Variants in CFAP70 observed in about 807,000 individuals in gnomAD.
CFAP70 encodes the protein cilia- and flagella-associated protein 70.
Under a neutral mutation model 137.6 loss-of-function variants are expected in CFAP70, and 81 were observed. The ratio of observed to expected loss-of-function variants is 0.59; its 90% CI spans 0.49 to 0.71. The LOEUF is 0.71. CFAP70 is among the 30% of genes least tolerant of loss of function. CFAP70 has a pLI of 0.00. For synonymous variants in CFAP70, 382 were observed against 423.6 expected (o/e 0.90, Z 1.20); for missense variants, 976 against 1,226.7 (o/e 0.80, Z 3.05).
chr10:73,310,125 T>C (rs940596877), intron 12 of CFAP70, 33 bp downstream of exon 13: 1 of 1,448,754 alleles, frequency 6.9e-7, no homozygotes. Flanking sequence ...ACCCAAATTG[T>C]ACAAAACTAG....
In CFAP70 at chr10:73,273,035, CACT is replaced by C; in HGVS notation, c.2836-21_2836-19del. 2 of 1,529,896 alleles carry C rather than the reference CACT, an allele frequency of 1.3e-6. No individual in the cohort carries two copies. Among genetic ancestry groups the C allele is most frequent in the South Asian group, 1.2e-5 (1 of 83,564 alleles). 94.8% of individuals were successfully genotyped at this position (1,529,896 alleles called of 1,614,324 possible). On this transcript the variant is annotated intron_variant, in intron 23 of 26. Transcript: ENST00000310715. ...TTTTCATACTGTAGAAAGAAAGCAC[CACT>C]AAGCTACTGTTCTAGAAGCTTCAAA...
In CFAP70 at chr10:73,348,248, G is replaced by T. The variant is rs534645251; in HGVS notation, c.349+175C>A. Reference sequence around the variant, plus strand: ...AATGAACTCTGTCCTGCAAAAAGAAGCCCAAGTTGAGCCAAAGAAGAAAGG... The same window carrying T: ...AATGAACTCTGTCCTGCAAAAAGAATCCCAAGTTGAGCCAAAGAAGAAAGG... On this transcript the variant is annotated intron_variant, in intron 4 of 26. Coordinates refer to ENST00000310715, the Ensembl canonical transcript of CFAP70. 1 of 1,613,944 alleles carries T rather than the reference G, an allele frequency of 6.2e-7. No individual in the cohort carries two copies.
At chr10:73,331,384 T>A in intron 7 of CFAP70, 108 bp from the exon 9 acceptor site, 1 of 941,914 alleles carries the variant, frequency 1.1e-6, no homozygotes, top group Non-Finnish European at 1.6e-6. Flanking sequence ...AATATACATA[T>A]ATAAAAATTG....
chr10:73,309,934 A>G (rs1476507017), intron 12 of CFAP70, among the ~76,000 whole-genome samples: 1 of 152,170 alleles, frequency 6.6e-6, no homozygotes, highest in African/African-American at 2.4e-5. Flanking sequence ...CTAGGATTAC[A>G]GGCATGAGCC....
chr10:73,287,547 G>A (rs890502771), intron 19 of CFAP70, among the ~76,000 whole-genome samples: 1 of 152,072 alleles, frequency 6.6e-6, no homozygotes, highest in African/African-American at 2.4e-5. Flanking sequence ...GTGTATTGTA[G>A]AATAAACTTA....
intron 9 of CFAP70, among the ~76,000 whole-genome samples, chr10:73,313,535 T>A (rs1342312277): frequency 7.7e-6 from 1 of 130,614 alleles, no homozygotes; most frequent in African/African-American, 3.0e-5. Context: ...ACAGCAAGAC[T>A]CTGTCTCAAA....
intron 7 of CFAP70, among the ~76,000 whole-genome samples, chr10:73,332,264 T>TA (rs1200895324): frequency 6.6e-6 from 1 of 152,152 alleles, no homozygotes; most frequent in Non-Finnish European, 1.5e-5. Context: ...TCCCCACACT[T>TA]ACATAAGTTT....
intron 8 of CFAP70, among the ~76,000 whole-genome samples, chr10:73,324,888 T>C (rs2132235949): frequency 6.6e-6 from 1 of 152,208 alleles, no homozygotes; most frequent in South Asian, 2.1e-4. Context: ...ACAGGGAGAA[T>C]GGAACCAAGT....
At chr10:73,341,313 T>A in intron 6 of CFAP70, 86 bp downstream of exon 7, 1 of 1,181,798 alleles carries the variant, frequency 8.5e-7, no homozygotes, top group South Asian at 1.6e-5. Context: ...GTGACAAATG[T>A]ATATAAATTA....
chr10:73,262,207 A>G (rs2045326489), intron 25 of CFAP70, among the ~76,000 whole-genome samples: 1 of 151,802 alleles, frequency 6.6e-6, no homozygotes, highest in South Asian at 2.1e-4. Context: ...AATTCCAGAA[A>G]TAAACAATTC....
At chr10:73,316,258 T>C (rs1428678657) in intron 9 of CFAP70, among the ~76,000 whole-genome samples, 2 of 151,882 alleles carry the variant, frequency 1.3e-5, no homozygotes, top group Non-Finnish European at 2.9e-5. Context: ...ATCTTGATTT[T>C]TTTGTAAATC....
chr10:73,286,292 A>C (rs2131859682), intron 19 of CFAP70, among the ~76,000 whole-genome samples: 1 of 152,174 alleles, frequency 6.6e-6, no homozygotes, highest in East Asian at 1.9e-4. Context: ...AAAATACAAA[A>C]AATTAGCCGG....
intron 7 of CFAP70, among the ~76,000 whole-genome samples, chr10:73,333,103 T>C (rs922848359): frequency 6.6e-6 from 1 of 152,072 alleles, no homozygotes; most frequent in Non-Finnish European, 1.5e-5. Context: ...ATGCTAGATA[T>C]CAAAAACACA....
rs2048292342 is a variant in CFAP70 at position 73,293,072 on chromosome 10, T to G, written c.1770+191A>C. The stretch of plus-strand genomic sequence containing the variant: ...ACACTATTTACTGAAAAGACTATCC[T>G]TTCTCCATTAAATTTCTTTTAGGTT... On this transcript the variant is annotated intron_variant, in intron 16 of 26. Coordinates refer to ENST00000310715, the Ensembl canonical transcript of CFAP70. 2.0e-5 allele frequency among the ~76,000 whole-genome samples: 3 copies of G among 152,234 alleles called. No homozygotes were observed. In the South Asian group the frequency reaches 6.2e-4, roughly 32 times the overall value.
At chr10:73,321,278 C>T (rs1013932687) in intron 9 of CFAP70, among the ~76,000 whole-genome samples, 3 of 151,930 alleles carry the variant, frequency 2.0e-5, no homozygotes, top group Non-Finnish European at 4.4e-5. Flanking sequence ...AATAGCCGGG[C>T]GTGGTAGCAT....
At chr10:73,277,940 T>C (rs2046910636) in intron 20 of CFAP70, among the ~76,000 whole-genome samples, 1 of 152,128 alleles carries the variant, frequency 6.6e-6, no homozygotes. Flanking sequence ...TGAAACACAG[T>C]TTGTAGATGT....
exon 19 of CFAP70, chr10:73,291,238 C>T (rs2048156928): frequency 6.2e-7 from 1 of 1,613,992 alleles, no homozygotes; most frequent in Non-Finnish European, 8.5e-7. Context: ...GCTGGGGCTT[C>T]CACCTTGATT....
At chr10:73,344,233 G>T (rs1269887906) in intron 5 of CFAP70, among the ~76,000 whole-genome samples, 1 of 151,968 alleles carries the variant, frequency 6.6e-6, no homozygotes, top group African/African-American at 2.4e-5. Flanking sequence ...CAAAGTGCTG[G>T]GATTACAGGC....
At chr10:73,270,439 TC>T (rs2046168173) in intron 24 of CFAP70, among the ~76,000 whole-genome samples, 1 of 91,158 alleles carries the variant, frequency 1.1e-5, no homozygotes. Flanking sequence ...CTCTCTCCTC[TC>T]CCCTCCCCTC....
Sources: gnomAD v4.1 joint callset for allele counts (sites outside exome capture counted in the v4.1 genomes callset) on GRCh38, gnomAD v4.1.1 for gene constraint, MANE v1.5 for transcripts, NCBI Gene and HGNC (gene_info 2026-07-23, HGNC 2026-07-21) for gene names.